The following CFAP54 variants were observed in gnomAD, a reference collection of about 807,000 sequenced individuals.
The protein encoded by CFAP54 is cilia and flagella associated protein 54.
Under a neutral mutation model 370.4 loss-of-function variants are expected in CFAP54, and 290 were observed. The observed-to-expected ratio is 0.78, with a 90% CI of 0.71 to 0.86. CFAP54 has a LOEUF of 0.86. Ranked by LOEUF, CFAP54 falls within the 40% of genes least tolerant of loss-of-function variation. CFAP54 has a pLI of 0.00. For missense variants in CFAP54, 3,399 were observed against 3,528.7 expected (o/e 0.96, Z 0.93); for synonymous variants, 1,206 against 1,236.5 (o/e 0.98, Z 0.52).
intron 65 of CFAP54, among the ~76,000 whole-genome samples, chr12:96,825,047 C>T (rs540705566): frequency 4.0e-5 from 6 of 150,892 alleles, no homozygotes; most frequent in East Asian, 3.9e-4. Context: ...CCCCACCCTA[C>T]GCGCCCCACA....
intron 48 of CFAP54, among the ~76,000 whole-genome samples, chr12:96,715,276 T>C (rs931450589): frequency 1.3e-3 from 13 of 9,908 alleles, no homozygotes; most frequent in Non-Finnish European, 1.8e-3. Flanking sequence ...GTGAGAAGAG[T>C]TAGCATCGTT....
chr12:96,728,630 C>T lies in CFAP54; in HGVS notation c.6965+8065C>T, dbSNP rs148602097. 5.1e-3 allele frequency among the ~76,000 whole-genome samples: 784 copies of T among 152,282 alleles called. 7 individuals carry two copies. The highest frequency in any genetic ancestry group is 0.018 in the African/African-American group (738 of 41,560). On this transcript the variant is annotated intron_variant, in intron 50 of 67. Coordinates refer to ENST00000524981, the MANE Select transcript of CFAP54 (RefSeq NM_001306084.2). ...CTTTGCCTTTGGTTTGAAATTCCTC[C>T]TGTAGCTCGGAGTAGTTTGATCATC... is the stretch of plus-strand genomic sequence containing the variant.
chr12:96,599,884 CT>C, intron 26 of CFAP54, among the ~76,000 whole-genome samples: 1 of 152,108 alleles, frequency 6.6e-6, no homozygotes, highest in South Asian at 2.1e-4. Context: ...TGTTTAAGTT[CT>C]TTGTAGATTC....
intron 40 of CFAP54, among the ~76,000 whole-genome samples, chr12:96,683,606 T>G (rs548148981): frequency 6.6e-6 from 1 of 152,210 alleles, no homozygotes; most frequent in Non-Finnish European, 1.5e-5. Context: ...ACATCTTTGG[T>G]CTTAACCTAT....
At chr12:96,682,765 T>C (rs11108637) in intron 40 of CFAP54, among the ~76,000 whole-genome samples, 59,492 of 152,020 alleles carry the variant, frequency 0.39, 11,977 homozygotes, top group Middle Eastern at 0.45. Context: ...AAAGAACCTA[T>C]ATCCCTGCAG....
In CFAP54 at chr12:96,555,517, A is replaced by C. The variant is rs187515578; in HGVS notation, c.2410+715A>C. Among the ~76,000 whole-genome samples, 99 of 150,146 alleles carry C rather than the reference A, an allele frequency of 6.6e-4. 1 individual carries two copies. Among genetic ancestry groups the C allele is most frequent in the Middle Eastern group, 3.6e-3 (1 of 280 alleles). On this transcript the variant is annotated intron_variant, in intron 17 of 67. Coordinates refer to ENST00000524981, the MANE Select transcript of CFAP54 (RefSeq NM_001306084.2). Reference sequence around the variant, plus strand: ...GATTATATGATTGTCTACCTAGAAAATGCAAAAGAATCTATCAGCATATAC... The same window carrying C: ...GATTATATGATTGTCTACCTAGAAACTGCAAAAGAATCTATCAGCATATAC...
chr12:96,621,880 T>TTG (rs1956497672), intron 27 of CFAP54, among the ~76,000 whole-genome samples, 159 bp downstream of exon 27: 1 of 49,802 alleles, frequency 2.0e-5, no homozygotes, highest in Non-Finnish European at 4.5e-5. Context: ...GGTTTGTTTT[T>TTG]TTTTTTTTTT....
intron 65 of CFAP54, among the ~76,000 whole-genome samples, chr12:96,825,395 C>G (rs1959081166): frequency 9.6e-6 from 1 of 104,152 alleles, no homozygotes; most frequent in African/African-American, 3.7e-5. Context: ...TATTATGTAA[C>G]ATGTTGTATT....
At chr12:96,633,423 A>G (rs572292549) in intron 32 of CFAP54, among the ~76,000 whole-genome samples, 1 of 152,354 alleles carries the variant, frequency 6.6e-6, no homozygotes, top group African/African-American at 2.4e-5. Flanking sequence ...TGACATTGAT[A>G]TAATCCACTG....
In CFAP54 at chr12:96,733,521, C is replaced by G. The variant is rs576814566; in HGVS notation, c.6966-6435C>G. 2.2e-4 allele frequency among the ~76,000 whole-genome samples: 30 copies of G among 138,216 alleles called. No homozygotes were observed. In the South Asian group the frequency reaches 7.1e-3, roughly 33 times the overall value. The allele number at this position is 138,216 out of a possible 152,430, so 90.7% of individuals were successfully genotyped here. A position where few individuals can be genotyped will look rare whatever the true frequency, so the allele number is the denominator to read the frequency against. On this transcript the variant is annotated intron_variant, in intron 50 of 67. Transcript: ENST00000524981. The stretch of plus-strand genomic sequence containing the variant: ...TGTATTTCTACTTCTAGGGCTGCCT[C>G]TTTCTTTCAAAATCCTGTGGGTTTT...
intron 31 of CFAP54, 73 bp from the exon 32 acceptor site, chr12:96,630,478 A>T: frequency 1.3e-6 from 1 of 774,336 alleles, no homozygotes; most frequent in Non-Finnish European, 1.9e-6. Flanking sequence ...GATAAGCATT[A>T]GAGTATGAAT....
intron 67 of CFAP54, among the ~76,000 whole-genome samples, chr12:96,866,353 AT>A (rs1271779886): frequency 1.3e-5 from 2 of 152,106 alleles, no homozygotes; most frequent in African/African-American, 4.8e-5. Context: ...AGGGATGGGA[AT>A]TTTTTTACAA....
At chr12:96,799,916 A>G (rs1371330105) in intron 63 of CFAP54, among the ~76,000 whole-genome samples, 1 of 152,324 alleles carries the variant, frequency 6.6e-6, no homozygotes, top group South Asian at 2.1e-4. Flanking sequence ...CTTCCATTTT[A>G]TGATATATAT....
At chr12:96,641,589 A>G (rs1403754216) in intron 32 of CFAP54, among the ~76,000 whole-genome samples, 1 of 152,188 alleles carries the variant, frequency 6.6e-6, no homozygotes, top group East Asian at 1.9e-4. Context: ...TATATACCCA[A>G]AGGATTATAA....
At chr12:96,555,263 G>A (rs1265928783) in intron 17 of CFAP54, among the ~76,000 whole-genome samples, 3 of 151,966 alleles carry the variant, frequency 2.0e-5, no homozygotes, top group Non-Finnish European at 4.4e-5. Flanking sequence ...AAGAAAGTCA[G>A]AGATGAGTTC....
intron 48 of CFAP54, among the ~76,000 whole-genome samples, chr12:96,710,301 G>A (rs140539971): frequency 4.6e-5 from 7 of 152,330 alleles, no homozygotes; most frequent in South Asian, 2.1e-4. Flanking sequence ...GCTTGGCTGC[G>A]TCTCAGGAGG....
intron 55 of CFAP54, 85 bp downstream of exon 55, chr12:96,744,231 T>C: frequency 8.3e-7 from 1 of 1,197,626 alleles, no homozygotes; most frequent in East Asian, 2.5e-5. Context: ...TATGAGTGCA[T>C]TTAAAAGAGG....
At chr12:96,680,394 C>G (rs1364914186) in intron 40 of CFAP54, among the ~76,000 whole-genome samples, 1 of 152,066 alleles carries the variant, frequency 6.6e-6, no homozygotes, top group African/African-American at 2.4e-5. Flanking sequence ...AAATCCTGAA[C>G]TATCTATACT....
chr12:96,609,225 G>C (rs1242275979), intron 26 of CFAP54, among the ~76,000 whole-genome samples: 1 of 152,198 alleles, frequency 6.6e-6, no homozygotes, highest in East Asian at 1.9e-4. Flanking sequence ...CTCTGCTCCT[G>C]AATGGCATTT....
Sources: allele counts gnomAD v4.1 joint callset (sites outside exome capture counted in the v4.1 genomes callset), GRCh38; gene constraint gnomAD v4.1.1; transcripts MANE v1.5; gene names NCBI Gene and HGNC (gene_info 2026-07-23, HGNC 2026-07-21).